The following ANP32B variants were observed in gnomAD, a reference collection of about 807,000 sequenced individuals.
The protein encoded by ANP32B is acidic leucine-rich nuclear phosphoprotein 32 family member B.
In ANP32B, 6 loss-of-function variants were observed where a neutral mutation model predicts 32.2. That is an observed-to-expected ratio of 0.19 (90% CI 0.10 to 0.37). The LOEUF (loss-of-function observed/expected upper bound fraction) is 0.37, where lower values mean the gene tolerates loss of function less well. Among genes scored for constraint, ANP32B ranks in the 10% least tolerant of loss-of-function variants. ANP32B has a pLI of 1.00. For synonymous variants in ANP32B, 98 were observed against 105.8 expected (o/e 0.93, Z 0.45); for missense variants, 204 against 289.2 (o/e 0.71, Z 2.14).
chr9:98,001,756 G>A (rs1252414991), intron 3 of ANP32B, among the ~76,000 whole-genome samples: 1 of 152,060 alleles, frequency 6.6e-6, no homozygotes, highest in East Asian at 1.9e-4. Flanking sequence ...GATAGTGAAG[G>A]ATAAAAAGTA....
rs1828269892 is a variant in ANP32B at position 98,015,758 on chromosome 9, G to A, written c.*327G>A. Reference sequence around the variant, plus strand: ...TACCAGTTACACTGAGATTGTAACAGCATTTTTACTTTCTGTACAACAAAA... The same window carrying A: ...TACCAGTTACACTGAGATTGTAACAACATTTTTACTTTCTGTACAACAAAA... On this transcript the variant is annotated 3_prime_UTR_variant, in exon 7 of 7. Transcript: ENST00000339399. 1.0e-6 allele frequency: 1 copy of A among 1,004,234 alleles called. No homozygotes were observed. Among genetic ancestry groups the A allele is most frequent in the African/African-American group, 1.7e-5 (1 of 57,992 alleles). The allele number at this position is 1,004,234 out of a possible 1,614,324, so 62.2% of individuals were successfully genotyped here.
intron 4 of ANP32B, among the ~76,000 whole-genome samples, chr9:98,006,424 G>T (rs578048233): frequency 6.6e-6 from 1 of 150,482 alleles, no homozygotes. Context: ...CCCGCACTGC[G>T]TATTTGTCTC....
At chr9:98,012,974 C>A (rs888821820) in intron 6 of ANP32B, among the ~76,000 whole-genome samples, 37 of 152,374 alleles carry the variant, frequency 2.4e-4, no homozygotes, top group Middle Eastern at 3.4e-3. Context: ...TCGTGGTCCA[C>A]CCGCCTCAGC....
At chr9:97,996,461 C>T (rs1362893560) in intron 2 of ANP32B, among the ~76,000 whole-genome samples, 1 of 152,134 alleles carries the variant, frequency 6.6e-6, no homozygotes, top group African/African-American at 2.4e-5. Flanking sequence ...AAATTAAAAA[C>T]TTTTAACATT....
chr9:98,013,081 T>C (rs936621291), intron 6 of ANP32B, among the ~76,000 whole-genome samples: 1 of 152,224 alleles, frequency 6.6e-6, no homozygotes, highest in African/African-American at 2.4e-5. Context: ...TGGAGTTCAC[T>C]GGTGCAATCT....
At chr9:97,996,031 T>C (rs187458025) in intron 2 of ANP32B, among the ~76,000 whole-genome samples, 5 of 152,212 alleles carry the variant, frequency 3.3e-5, no homozygotes, top group Admixed American at 2.6e-4. Context: ...TATTAAATGC[T>C]CAAGCAGTCT....
chr9:97,993,533 G>T (rs1827861257), intron 1 of ANP32B, among the ~76,000 whole-genome samples: 1 of 152,188 alleles, frequency 6.6e-6, no homozygotes, highest in South Asian at 2.1e-4. Context: ...CTAAAAAGTT[G>T]CAAGTTTCAG....
Position 98,015,660 on chromosome 9 carries a change from C to T in ANP32B, c.*229C>T, listed in dbSNP as rs879123401. 11 of 1,212,316 alleles carry T rather than the reference C, an allele frequency of 9.1e-6. No homozygotes were observed. The highest frequency in any genetic ancestry group is 3.5e-4 in the Middle Eastern group (1 of 2,880). The allele number at this position is 1,212,316 out of a possible 1,614,324, so 75.1% of individuals were successfully genotyped here. A position where few individuals can be genotyped will look rare whatever the true frequency, so the allele number is the denominator to read the frequency against. ...GACTTCACCCCAACAAAATTGTAAG[C>T]GTTGTTAGGTTTTTGTGTAAGATTC... On this transcript the variant is annotated 3_prime_UTR_variant, in exon 7 of 7. Transcript: ENST00000339399.
intron 6 of ANP32B, among the ~76,000 whole-genome samples, chr9:98,013,875 C>G (rs956878153): frequency 6.6e-6 from 1 of 151,910 alleles, no homozygotes; most frequent in Non-Finnish European, 1.5e-5. Flanking sequence ...AAAAAGTTAG[C>G]TGCACATGGT....
At chr9:98,010,796 A>G (rs1828169841) in intron 4 of ANP32B, among the ~76,000 whole-genome samples, 1 of 151,862 alleles carries the variant, frequency 6.6e-6, no homozygotes, top group African/African-American at 2.4e-5. Flanking sequence ...TGATTTGAGC[A>G]GCTGACTGTG....
intron 1 of ANP32B, among the ~76,000 whole-genome samples, chr9:97,993,924 C>T (rs1390340252): frequency 2.0e-5 from 3 of 152,180 alleles, no homozygotes; most frequent in African/African-American, 7.2e-5. Flanking sequence ...TCAGCCACTG[C>T]GCCCGGCCAG....
At chr9:98,001,563 A>G (rs567453231) in intron 3 of ANP32B, among the ~76,000 whole-genome samples, 1 of 152,180 alleles carries the variant, frequency 6.6e-6, no homozygotes, top group African/African-American at 2.4e-5. Context: ...ATGACTGGCC[A>G]TTACCTAGTT....
At chr9:97,984,975 C>G (rs891127311) in intron 1 of ANP32B, among the ~76,000 whole-genome samples, 1 of 150,996 alleles carries the variant, frequency 6.6e-6, no homozygotes, top group Admixed American at 6.6e-5. Context: ...GAGGGCGGCC[C>G]TCTTGCGGCG....
rs1587883994 is a variant in ANP32B, at chr9:98,015,618, C to G, written c.*187C>G. ...CTTCCATGTAGTCCCTCTTGGTAAT[C>G]TACCACCAAGCTTGTGGACTTCACC... On this transcript the variant is annotated 3_prime_UTR_variant, in exon 7 of 7. Transcript: ENST00000339399. The G allele has an allele frequency of 7.6e-7, 1 of 1,311,772 alleles. No homozygotes were observed. Among genetic ancestry groups the G allele is most frequent in the Non-Finnish European group, 9.8e-7 (1 of 1,022,930 alleles). 81.3% of individuals were successfully genotyped at this position (1,311,772 alleles called of 1,614,324 possible).
chr9:98,010,634 C>T (rs1270623160), intron 4 of ANP32B, among the ~76,000 whole-genome samples: 4 of 151,856 alleles, frequency 2.6e-5, no homozygotes, highest in African/African-American at 9.7e-5. Context: ...CATGCAGAGA[C>T]CAGGAGGCAG....
chr9:98,007,309 C>G (rs11794952), intron 4 of ANP32B, among the ~76,000 whole-genome samples: 211 of 152,186 alleles, frequency 1.4e-3, no homozygotes, highest in Non-Finnish European at 2.6e-3. Flanking sequence ...AGTTAAGCTG[C>G]AGTTCAAAAG....
chr9:98,010,971 A>G (rs543610562), intron 4 of ANP32B, among the ~76,000 whole-genome samples: 1 of 152,220 alleles, frequency 6.6e-6, no homozygotes, highest in Non-Finnish European at 1.5e-5. Context: ...ATCTTATTTT[A>G]TTCCTGCATA....
chr9:97,985,366 AG>A (rs913230748), intron 1 of ANP32B, among the ~76,000 whole-genome samples: 1 of 152,012 alleles, frequency 6.6e-6, no homozygotes, highest in African/African-American at 2.4e-5. Context: ...TCCTTCCCGG[AG>A]GGCCCGCGAG....
chr9:98,001,005 A>G (rs1340017233), intron 3 of ANP32B, among the ~76,000 whole-genome samples: 1 of 150,866 alleles, frequency 6.6e-6, no homozygotes. Context: ...CTGTAAATTT[A>G]TTTCATGCCC....
Sources: allele counts gnomAD v4.1 joint callset (sites outside exome capture counted in the v4.1 genomes callset), GRCh38; gene constraint gnomAD v4.1.1; transcripts MANE v1.5; gene names NCBI Gene and HGNC (gene_info 2026-07-23, HGNC 2026-07-21).